GPC6: variants seen among roughly 807,000 people sequenced by gnomAD.
The protein encoded by GPC6 is glypican 6, also known as glypican-6.
GPC6 carries 14 observed loss-of-function variants against 55.2 expected under a neutral mutation model. The ratio of observed to expected loss-of-function variants is 0.25; its 90% CI spans 0.17 to 0.40. The LOEUF is 0.40. GPC6 is among the 10% of genes least tolerant of loss of function. The probability of loss-of-function intolerance (pLI) is 1.00; values close to 1 mark genes in which losing one functional copy is unlikely to be tolerated. For synonymous variants in GPC6, 278 were observed against 259.6 expected (o/e 1.07, Z -0.68); for missense variants, 641 against 708.5 (o/e 0.90, Z 1.08).
At chr13:93,675,093 CTG>C (rs1258433041) in intron 2 of GPC6, among the ~76,000 whole-genome samples, 2 of 152,098 alleles carry the variant, frequency 1.3e-5, no homozygotes, top group Non-Finnish European at 2.9e-5. Flanking sequence ...TTGGTCCTAA[CTG>C]TAAATGTGAG....
At chr13:94,115,287 G>T (rs1336680974) in intron 4 of GPC6, among the ~76,000 whole-genome samples, 1 of 152,046 alleles carries the variant, frequency 6.6e-6, no homozygotes, top group Non-Finnish European at 1.5e-5. Flanking sequence ...TGCACCTAAA[G>T]GTTTTGTAAA....
intron 3 of GPC6, among the ~76,000 whole-genome samples, chr13:93,982,660 G>A (rs1359530130): frequency 6.6e-6 from 1 of 152,228 alleles, no homozygotes; most frequent in East Asian, 1.9e-4. Context: ...CTACTGACAG[G>A]AAAGCCAAAA....
chr13:94,246,489 C>T (rs1323280255), intron 4 of GPC6, among the ~76,000 whole-genome samples: 2 of 151,990 alleles, frequency 1.3e-5, no homozygotes, highest in African/African-American at 4.8e-5. Context: ...TCCATTGTTT[C>T]AGATCTTACA....
chr13:93,460,399 C>T (rs1878632560), intron 1 of GPC6, among the ~76,000 whole-genome samples: 1 of 152,160 alleles, frequency 6.6e-6, no homozygotes, highest in Admixed American at 6.5e-5. Context: ...GGCCTAAATT[C>T]ACATGCTTTT....
intron 2 of GPC6, among the ~76,000 whole-genome samples, chr13:93,578,176 G>A (rs985097606): frequency 6.6e-6 from 1 of 151,866 alleles, no homozygotes. Context: ...TTGTTGTTGT[G>A]TCCTTGTCTG....
intron 6 of GPC6, among the ~76,000 whole-genome samples, chr13:94,324,293 G>T (rs1876990431): frequency 6.9e-6 from 1 of 144,422 alleles, no homozygotes; most frequent in South Asian, 2.2e-4. Flanking sequence ...CACCACCGAG[G>T]ACCATCTATG....
chr13:94,184,538 A>G (rs1381948783), intron 4 of GPC6, among the ~76,000 whole-genome samples: 2 of 152,210 alleles, frequency 1.3e-5, no homozygotes, highest in African/African-American at 4.8e-5. Flanking sequence ...TTATGAAAAA[A>G]TGCTCATCAT....
At chr13:94,395,603 C>T (rs890309036) in intron 7 of GPC6, among the ~76,000 whole-genome samples, 8 of 152,052 alleles carry the variant, frequency 5.3e-5, no homozygotes, top group African/African-American at 1.9e-4. Context: ...TGTAGTTCTT[C>T]TTTTGGAGGT....
chr13:94,136,599 A>G (rs1377271988), intron 4 of GPC6, among the ~76,000 whole-genome samples: 1 of 151,972 alleles, frequency 6.6e-6, no homozygotes, highest in Non-Finnish European at 1.5e-5. Context: ...AGTCCCAGCC[A>G]CTCGGGAGGC....
chr13:94,173,588 G>A (rs1451935062), intron 4 of GPC6, among the ~76,000 whole-genome samples: 1 of 152,108 alleles, frequency 6.6e-6, no homozygotes, highest in African/African-American at 2.4e-5. Flanking sequence ...ATAAAGGAGA[G>A]GTAGTGATTT....
intron 5 of GPC6, among the ~76,000 whole-genome samples, chr13:94,302,912 T>A (rs1275693530): frequency 2.0e-5 from 3 of 152,246 alleles, no homozygotes; most frequent in Non-Finnish European, 4.4e-5. Flanking sequence ...ATCCAGCGAC[T>A]AGTGCTTAGC....
intron 1 of GPC6, among the ~76,000 whole-genome samples, chr13:93,298,043 G>C (rs926824675): frequency 1.2e-4 from 18 of 152,198 alleles, no homozygotes; most frequent in Non-Finnish European, 2.5e-4. Flanking sequence ...TTGGAGGAAA[G>C]AGAAAGCAGT....
At chr13:93,891,198 T>C (rs1375018346) in intron 3 of GPC6, among the ~76,000 whole-genome samples, 4 of 152,198 alleles carry the variant, frequency 2.6e-5, no homozygotes, top group African/African-American at 9.6e-5. Flanking sequence ...ATGTTTATTT[T>C]ATTTTTCAAA....
intron 1 of GPC6, among the ~76,000 whole-genome samples, chr13:93,317,113 C>A (rs1014047317): frequency 6.6e-6 from 1 of 152,016 alleles, no homozygotes; most frequent in African/African-American, 2.4e-5. Context: ...GTGTTACTTA[C>A]AATTGGCTGA....
intron 1 of GPC6, among the ~76,000 whole-genome samples, chr13:93,283,353 A>C (rs890347889): frequency 6.6e-6 from 1 of 152,326 alleles, no homozygotes; most frequent in Middle Eastern, 3.4e-3. Context: ...TGTTAAGGTA[A>C]GGTCGCATAG....
chr13:93,341,810 C>T (rs544294361), intron 1 of GPC6, among the ~76,000 whole-genome samples: 3 of 150,990 alleles, frequency 2.0e-5, no homozygotes, highest in Admixed American at 6.6e-5. Context: ...TATTTATTTG[C>T]CTAAGCGAAT....
In GPC6 at chr13:93,369,431, T is replaced by C. The variant is rs149750766; in HGVS notation, c.160+141815T>C. The stretch of plus-strand genomic sequence containing the variant: ...ATCAATAAAACAGCAATCCTAAATG[T>C]TCGTGTATCAATAATAGGATACTTT... On this transcript the variant is annotated intron_variant, in intron 1 of 8. Transcript: ENST00000377047. 1.7e-3 allele frequency among the ~76,000 whole-genome samples: 265 copies of C among 152,234 alleles called. 2 individuals carry two copies. The highest frequency in any genetic ancestry group is 3.1e-3 in the Non-Finnish European group (211 of 67,996).
rs143640365 is a variant in GPC6, at chr13:93,435,336, A to T, written c.161-109927A>T. Among the ~76,000 whole-genome samples the T allele has an allele frequency of 2.0e-5, 3 of 151,980 alleles. No homozygotes were observed. The East Asian group carries it at 5.9e-4, about 30-fold the overall frequency. ...TTGCTGTGTTGCCCAGGCTGGTCTC[A>T]AACTCCTGGCTTCAAGAGATCTTCC... On this transcript the variant is annotated intron_variant, in intron 1 of 8. Coordinates refer to ENST00000377047, the MANE Select transcript of GPC6 (RefSeq NM_005708.5).
intron 3 of GPC6, among the ~76,000 whole-genome samples, chr13:93,895,009 A>G (rs1875905119): frequency 6.6e-6 from 1 of 151,380 alleles, no homozygotes; most frequent in Non-Finnish European, 1.5e-5. Flanking sequence ...ATGTTGAGAG[A>G]AAGCCACTTT....
Sources: allele counts gnomAD v4.1 joint callset (sites outside exome capture counted in the v4.1 genomes callset), GRCh38; gene constraint gnomAD v4.1.1; transcripts MANE v1.5; gene names NCBI Gene and HGNC (gene_info 2026-07-23, HGNC 2026-07-21).